The following DPP6 variants were observed in gnomAD, a reference collection of about 807,000 sequenced individuals.
The protein encoded by DPP6 is dipeptidyl peptidase like 6.
A neutral mutation model predicts 122.6 loss-of-function variants in DPP6; 69 were observed. The observed-to-expected ratio is 0.56, with a 90% CI of 0.46 to 0.69. The LOEUF is 0.69. Among genes scored for constraint, DPP6 ranks in the 30% least tolerant of loss-of-function variants. The pLI, the probability that DPP6 is intolerant of heterozygous loss-of-function variation, is 0.00. For synonymous variants in DPP6, 418 were observed against 433.1 expected (o/e 0.97, Z 0.43); for missense variants, 928 against 1,116.9 (o/e 0.83, Z 2.41).
At chr7:154,317,081 T>C (rs10215720) in intron 1 of DPP6, among the ~76,000 whole-genome samples, 88,831 of 151,642 alleles carry the variant, frequency 0.59, 26,456 homozygotes, top group South Asian at 0.67. Context: ...TGTCTCCCTG[T>C]CCCCCCACCA....
chr7:154,594,071 TC>T (rs918234542), intron 5 of DPP6, among the ~76,000 whole-genome samples: 1 of 152,156 alleles, frequency 6.6e-6, no homozygotes, highest in Non-Finnish European at 1.5e-5. Flanking sequence ...AGTGTGACCT[TC>T]CAAGGCAATT....
chr7:154,803,806 GC>G (rs1798524594), intron 13 of DPP6, 57 bp from the exon 14 acceptor site: 1 of 1,574,890 alleles, frequency 6.3e-7, no homozygotes, highest in Non-Finnish European at 8.6e-7. Flanking sequence ...AGGATGAAGA[GC>G]CATGCTGGGG....
intron 1 of DPP6, among the ~76,000 whole-genome samples, chr7:154,147,630 C>T (rs1420521950): frequency 6.6e-6 from 1 of 151,022 alleles, no homozygotes; most frequent in Non-Finnish European, 1.5e-5. Flanking sequence ...CAGGCACCCA[C>T]CACTATACCC....
chr7:154,313,684 G>GGTGTGTGTGTGTGTGTGTGTGT (rs146683070), intron 1 of DPP6, among the ~76,000 whole-genome samples: 2 of 25,100 alleles, frequency 8.0e-5, no homozygotes, highest in Non-Finnish European at 1.5e-4. Flanking sequence ...TTTAAGATAT[G>GGTGTGTGTGTGTGTGTGTGTGT]GTATATATAT....
the DPP6 span, among the ~76,000 whole-genome samples, chr7:153,782,639 T>C: frequency 6.6e-6 from 1 of 152,156 alleles, no homozygotes; most frequent in East Asian, 1.9e-4. Flanking sequence ...ACAGATGTGC[T>C]GGAGAAGGAG....
intron 5 of DPP6, among the ~76,000 whole-genome samples, chr7:154,634,178 C>T (rs1223386783): frequency 9.3e-6 from 1 of 107,604 alleles, no homozygotes; most frequent in Non-Finnish European, 1.7e-5. Flanking sequence ...CACCCCACAA[C>T]AGTCCCTGGT....
chr7:154,181,330 G>A (rs1798070123), intron 1 of DPP6, among the ~76,000 whole-genome samples: 1 of 152,150 alleles, frequency 6.6e-6, no homozygotes, highest in African/African-American at 2.4e-5. Context: ...TGGTGACAAG[G>A]CATCATGGGA....
At chr7:153,858,139 C>T in the DPP6 span, among the ~76,000 whole-genome samples, 1 of 152,172 alleles carries the variant, frequency 6.6e-6, no homozygotes, top group South Asian at 2.1e-4. Context: ...GTTTCTCTTT[C>T]CCCTTCTTTC....
rs1249129724 is a variant in DPP6 at position 154,784,481 on chromosome 7, C to T, written c.1137-9598C>T. ...ACACTTCACTGTTAAATCACAGCAA[C>T]GTACTTGTTCCTTCATTTTTTTTCT... is the stretch of plus-strand genomic sequence containing the variant. On this transcript the variant is annotated intron_variant, in intron 10 of 25. Coordinates refer to ENST00000377770, the MANE Select transcript of DPP6 (RefSeq NM_130797.4). Among the ~76,000 whole-genome samples the T allele has an allele frequency of 7.2e-5, 11 of 152,302 alleles. No homozygotes were observed. The East Asian group carries it at 1.4e-3, about 19-fold the overall frequency.
chr7:154,135,164 A>G (rs1022069039), intron 1 of DPP6, among the ~76,000 whole-genome samples: 4 of 151,740 alleles, frequency 2.6e-5, no homozygotes, highest in Non-Finnish European at 5.9e-5. Flanking sequence ...ACTTCCTGTG[A>G]GCACACACTT....
At chr7:153,958,089 G>A (rs545471593) in intron 1 of DPP6, among the ~76,000 whole-genome samples, 4 of 152,168 alleles carry the variant, frequency 2.6e-5, no homozygotes, top group African/African-American at 4.8e-5. Flanking sequence ...GCTTGAACCC[G>A]GGAGGCGGAG....
the DPP6 span, among the ~76,000 whole-genome samples, chr7:153,761,455 T>C: frequency 6.6e-6 from 1 of 152,236 alleles, no homozygotes; most frequent in African/African-American, 2.4e-5. Flanking sequence ...GAAGACACTA[T>C]GAAATGAAAA....
intron 13 of DPP6, 143 bp from the exon 14 acceptor site, chr7:154,803,721 G>A: frequency 2.3e-6 from 3 of 1,305,240 alleles, no homozygotes; most frequent in Non-Finnish European, 3.1e-6. Context: ...CAGGAGAGGA[G>A]CAGGCAGAAG....
intron 1 of DPP6, chr7:153,968,567 A>G (rs1795869040): frequency 1.3e-5 from 2 of 151,772 alleles, no homozygotes; most frequent in Admixed American, 1.3e-4. Context: ...TTATCACCTC[A>G]GAAGAGAAAC....
At chr7:154,364,533 TGAGGGCAGGGGC>T (rs1437145157) in intron 1 of DPP6, among the ~76,000 whole-genome samples, 6 of 151,406 alleles carry the variant, frequency 4.0e-5, no homozygotes, top group African/African-American at 1.5e-4. Flanking sequence ...GGGCAGGAGG[TGAGGGCAGGGGC>T]GGTGGGGTGG....
chr7:154,508,031 C>T (rs1825791051), intron 3 of DPP6, among the ~76,000 whole-genome samples: 1 of 152,182 alleles, frequency 6.6e-6, no homozygotes, highest in Non-Finnish European at 1.5e-5. Flanking sequence ...CTAGCCCCAA[C>T]TCTGCTATGT....
chr7:153,819,128 T>C, the DPP6 span, among the ~76,000 whole-genome samples: 3 of 132,670 alleles, frequency 2.3e-5, no homozygotes, highest in Admixed American at 2.3e-4. Flanking sequence ...TGCAGGTTTG[T>C]TATATAGGTA....
At chr7:154,281,165 A>T (rs936351102) in intron 1 of DPP6, among the ~76,000 whole-genome samples, 1 of 151,974 alleles carries the variant, frequency 6.6e-6, no homozygotes, top group African/African-American at 2.4e-5. Flanking sequence ...GGCGTGCACC[A>T]CCACGGCCAG....
intron 1 of DPP6, among the ~76,000 whole-genome samples, chr7:154,360,809 GC>G (rs1811660169): frequency 6.6e-6 from 1 of 152,134 alleles, no homozygotes; most frequent in South Asian, 2.1e-4. Context: ...TATTGCCCTC[GC>G]CCACCAGAAT....
Sources: gnomAD v4.1 joint callset for allele counts (sites outside exome capture counted in the v4.1 genomes callset) on GRCh38, gnomAD v4.1.1 for gene constraint, MANE v1.5 for transcripts, NCBI Gene and HGNC (gene_info 2026-07-23, HGNC 2026-07-21) for gene names.